CREB5: variants seen among roughly 807,000 people sequenced by gnomAD.
CREB5 encodes the protein cyclic AMP-responsive element-binding protein 5.
CREB5 carries 19 observed loss-of-function variants against 57.1 expected under a neutral mutation model. The ratio of observed to expected loss-of-function variants is 0.33; its 90% CI spans 0.23 to 0.49. The LOEUF (loss-of-function observed/expected upper bound fraction) is 0.49, where lower values mean the gene tolerates loss of function less well. Ranked by LOEUF, CREB5 falls within the 20% of genes least tolerant of loss-of-function variation. The pLI is 0.99. For missense variants in CREB5, 579 were observed against 671.6 expected (o/e 0.86, Z 1.52); for synonymous variants, 238 against 238.3 (o/e 1.00, Z 0.01).
At chr7:28,394,460 G>GA (rs1172614648) in intron 1 of CREB5, among the ~76,000 whole-genome samples, 7 of 152,060 alleles carry the variant, frequency 4.6e-5, no homozygotes, top group African/African-American at 1.7e-4. Flanking sequence ...CTTTATATAT[G>GA]AAAACACATG....
chr7:28,821,455 C>T lies in CREB5; in HGVS notation c.*2176C>T, dbSNP rs1415908676. 1 of 80,092 alleles carries T rather than the reference C, an allele frequency of 1.2e-5. No individual in the cohort carries two copies. Among genetic ancestry groups the T allele is most frequent in the South Asian group, 3.7e-4 (1 of 2,680 alleles). The allele number at this position is 80,092 out of a possible 1,614,324, so 5.0% of individuals were successfully genotyped here. On this transcript the variant is annotated 3_prime_UTR_variant, in exon 11 of 11. Coordinates refer to ENST00000357727, the MANE Select transcript of CREB5 (RefSeq NM_182898.4). The stretch of plus-strand genomic sequence containing the variant: ...TGGATATATGGTTGAAGAATCAAAA[C>T]AAAAGCAAAAAAAAAAAGCAAAAAA...
At chr7:28,456,825 C>A (rs780290793) in intron 1 of CREB5, among the ~76,000 whole-genome samples, 1 of 152,234 alleles carries the variant, frequency 6.6e-6, no homozygotes, top group Non-Finnish European at 1.5e-5. Context: ...TGGGCACACC[C>A]CCTTCTTGTT....
At chr7:28,591,969 A>G (rs999810819) in intron 5 of CREB5, among the ~76,000 whole-genome samples, 3 of 152,170 alleles carry the variant, frequency 2.0e-5, no homozygotes, top group Non-Finnish European at 4.4e-5. Flanking sequence ...CATAAATTGG[A>G]TGAAGCTGTA....
At chr7:28,490,545 A>G (rs537436989) in intron 2 of CREB5, among the ~76,000 whole-genome samples, 1 of 152,240 alleles carries the variant, frequency 6.6e-6, no homozygotes, top group Non-Finnish European at 1.5e-5. Flanking sequence ...AGAGCTGCAC[A>G]TTAGTCATTA....
At chr7:28,528,982 C>T (rs1205476675) in intron 4 of CREB5, among the ~76,000 whole-genome samples, 1 of 152,126 alleles carries the variant, frequency 6.6e-6, no homozygotes, top group Non-Finnish European at 1.5e-5. Context: ...ATTGACTTTG[C>T]AATGATTCCT....
At chr7:28,667,603 GAA>G (rs67452825) in intron 5 of CREB5, among the ~76,000 whole-genome samples, 39,263 of 150,946 alleles carry the variant, frequency 0.26, 5,174 homozygotes, top group Middle Eastern at 0.36. Flanking sequence ...AGAGAGAAAA[GAA>G]AAAAAAGATG....
intron 4 of CREB5, among the ~76,000 whole-genome samples, chr7:28,538,403 T>G: frequency 8.0e-6 from 1 of 125,138 alleles, no homozygotes; most frequent in South Asian, 2.7e-4. Context: ...TGATGAAACC[T>G]TTATTCGCTT....
At chr7:28,341,421 T>G (rs1785934618) in intron 1 of CREB5, among the ~76,000 whole-genome samples, 1 of 152,190 alleles carries the variant, frequency 6.6e-6, no homozygotes, top group Admixed American at 6.5e-5. Flanking sequence ...ATTTTATATT[T>G]TTGTCTATGT....
upstream of CREB5, among the ~76,000 whole-genome samples, chr7:28,410,972 G>T (rs1204990639): frequency 2.0e-5 from 3 of 151,564 alleles, 1 homozygote; most frequent in African/African-American, 7.3e-5. Context: ...CTCTAGCCCC[G>T]CCCCCGCCTT....
intron 1 of CREB5, among the ~76,000 whole-genome samples, chr7:28,355,251 G>A (rs959335762): frequency 2.6e-5 from 4 of 152,216 alleles, no homozygotes; most frequent in Non-Finnish European, 5.9e-5. Flanking sequence ...ATGAAAGCGT[G>A]CATGTGCAGC....
chr7:28,671,772 G>T (rs1451359119), intron 5 of CREB5, among the ~76,000 whole-genome samples: 1 of 152,158 alleles, frequency 6.6e-6, no homozygotes, highest in Non-Finnish European at 1.5e-5. Context: ...GTGACCTTGG[G>T]CAAGTTACTT....
At chr7:28,328,686 G>A (rs1785656632) in intron 1 of CREB5, among the ~76,000 whole-genome samples, 1 of 152,220 alleles carries the variant, frequency 6.6e-6, no homozygotes, top group Non-Finnish European at 1.5e-5. Flanking sequence ...TAGGCACTCT[G>A]CTTCTGGGAA....
At chr7:28,720,446 C>T (rs1479709394) in intron 6 of CREB5, among the ~76,000 whole-genome samples, 1 of 152,182 alleles carries the variant, frequency 6.6e-6, no homozygotes, top group Non-Finnish European at 1.5e-5. Flanking sequence ...TGTCACACAG[C>T]TTGTGAGTGA....
At chr7:28,358,810 G>A (rs528832953) in intron 1 of CREB5, among the ~76,000 whole-genome samples, 1 of 152,168 alleles carries the variant, frequency 6.6e-6, no homozygotes, top group Non-Finnish European at 1.5e-5. Flanking sequence ...GCATGTTAGA[G>A]GGAATATAGA....
chr7:28,795,124 T>A (rs913301684), intron 7 of CREB5, among the ~76,000 whole-genome samples: 8 of 152,140 alleles, frequency 5.3e-5, no homozygotes, highest in African/African-American at 1.7e-4. Flanking sequence ...AGCTGAAAAA[T>A]CACATCAGCT....
chr7:28,471,301 C>A (rs938142865), intron 1 of CREB5, among the ~76,000 whole-genome samples: 1 of 152,112 alleles, frequency 6.6e-6, no homozygotes, highest in African/African-American at 2.4e-5. Flanking sequence ...GGATTTCCAA[C>A]GTTCCCAGCA....
chr7:28,482,547 T>C (rs1370235173), intron 1 of CREB5, among the ~76,000 whole-genome samples: 1 of 152,228 alleles, frequency 6.6e-6, no homozygotes, highest in Non-Finnish European at 1.5e-5. Context: ...TTTTGGTATT[T>C]CAGGAAGGTC....
At chr7:28,633,389 G>A (rs202114070) in intron 5 of CREB5, among the ~76,000 whole-genome samples, 1 of 141,780 alleles carries the variant, frequency 7.1e-6, no homozygotes, top group Non-Finnish European at 1.5e-5. Flanking sequence ...GTGTGTGTGT[G>A]TGTCTGTGTG....
intron 4 of CREB5, among the ~76,000 whole-genome samples, chr7:28,563,349 A>C (rs913764306): frequency 6.6e-6 from 1 of 152,118 alleles, no homozygotes; most frequent in African/African-American, 2.4e-5. Context: ...GATTATCTCC[A>C]TTTTAAAGAT....
Sources: gnomAD v4.1 joint callset for allele counts (sites outside exome capture counted in the v4.1 genomes callset) on GRCh38, gnomAD v4.1.1 for gene constraint, MANE v1.5 for transcripts, NCBI Gene and HGNC (gene_info 2026-07-23, HGNC 2026-07-21) for gene names.